The following DTNB variants were observed in gnomAD, a reference collection of about 807,000 sequenced individuals.
DTNB encodes DTN-B.
In DTNB, 63 loss-of-function variants were observed where a neutral mutation model predicts 90.7. The observed-to-expected ratio is 0.69, with a 90% CI of 0.57 to 0.86. The LOEUF (loss-of-function observed/expected upper bound fraction) is 0.86, where lower values mean the gene tolerates loss of function less well. Among genes scored for constraint, DTNB ranks in the 40% least tolerant of loss-of-function variants. The probability of loss-of-function intolerance (pLI) is 0.00; values close to 1 mark genes in which losing one functional copy is unlikely to be tolerated. For missense variants in DTNB, 744 were observed against 807.1 expected (o/e 0.92, Z 0.95); for synonymous variants, 277 against 286.7 (o/e 0.97, Z 0.34).
intron 10 of DTNB, among the ~76,000 whole-genome samples, chr2:25,458,437 T>C (rs2060398922): frequency 6.6e-6 from 1 of 151,160 alleles, no homozygotes; most frequent in Non-Finnish European, 1.5e-5. Flanking sequence ...GAGAGAGAAA[T>C]CAACAGTTGT....
At chr2:25,423,510 T>C (rs1264343716) in intron 15 of DTNB, among the ~76,000 whole-genome samples, 1 of 152,144 alleles carries the variant, frequency 6.6e-6, no homozygotes, top group Non-Finnish European at 1.5e-5. Context: ...GGCATGAAAA[T>C]TTACTGTGAG....
At chr2:25,410,941 T>C (rs1254680167) in intron 16 of DTNB, among the ~76,000 whole-genome samples, 2 of 151,894 alleles carry the variant, frequency 1.3e-5, no homozygotes, top group Non-Finnish European at 2.9e-5. Flanking sequence ...TTTCTTTTTT[T>C]TTTTTTTTTT....
intron 14 of DTNB, among the ~76,000 whole-genome samples, chr2:25,431,205 ATTTT>A (rs35256450): frequency 6.8e-6 from 1 of 147,778 alleles, no homozygotes; most frequent in African/African-American, 2.5e-5. Context: ...TTCTTCTAGA[ATTTT>A]TTTTTTTTTG....
chr2:25,634,052 C>A (rs529601665), intron 3 of DTNB, among the ~76,000 whole-genome samples: 1 of 152,170 alleles, frequency 6.6e-6, no homozygotes, highest in South Asian at 2.1e-4. Context: ...GCGTCTACGC[C>A]CGGCAGCCAG....
intron 8 of DTNB, among the ~76,000 whole-genome samples, chr2:25,547,234 T>C (rs750583533): frequency 7.5e-4 from 114 of 152,228 alleles, no homozygotes; most frequent in Non-Finnish European, 1.4e-3. Context: ...ATAAATTTAC[T>C]AATTTTTTAA....
At chr2:25,638,260 T>C (rs1373178856) in intron 3 of DTNB, among the ~76,000 whole-genome samples, 2 of 152,042 alleles carry the variant, frequency 1.3e-5, no homozygotes, top group East Asian at 3.9e-4. Context: ...CTAATGTAAA[T>C]GACGAGTTAA....
intron 9 of DTNB, among the ~76,000 whole-genome samples, chr2:25,526,140 C>T (rs893697543): frequency 1.3e-5 from 2 of 151,728 alleles, no homozygotes; most frequent in Non-Finnish European, 2.9e-5. Flanking sequence ...CTACTGGATT[C>T]TCCAACATAC....
chr2:25,443,873 T>C (rs1051841338), intron 12 of DTNB, among the ~76,000 whole-genome samples: 5 of 152,206 alleles, frequency 3.3e-5, no homozygotes, highest in African/African-American at 1.2e-4. Context: ...AGCCATTACA[T>C]GTGTGCGAAA....
chr2:25,432,449 C>T (rs779190209), intron 14 of DTNB, among the ~76,000 whole-genome samples: 7 of 152,266 alleles, frequency 4.6e-5, no homozygotes, highest in East Asian at 1.9e-4. Context: ...CTCAGAGATG[C>T]GCACAGGAAG....
chr2:25,568,639 T>C (rs1223698565), intron 8 of DTNB, among the ~76,000 whole-genome samples: 7 of 152,232 alleles, frequency 4.6e-5, no homozygotes, highest in Admixed American at 2.0e-4. Flanking sequence ...ATAATCACTA[T>C]GGTTAAATTA....
intron 6 of DTNB, 130 bp downstream of exon 6, chr2:25,595,956 C>G (rs759108786): frequency 1.4e-5 from 13 of 962,884 alleles, no homozygotes; most frequent in Admixed American, 9.9e-5. Flanking sequence ...CACTCCCCAC[C>G]ACCTTTAAAG....
At chr2:25,542,727 C>T (rs2081547459) in intron 8 of DTNB, among the ~76,000 whole-genome samples, 2 of 151,708 alleles carry the variant, frequency 1.3e-5, no homozygotes, top group Non-Finnish European at 2.9e-5. Flanking sequence ...TGTTCTATTC[C>T]ATCTTGAATC....
intron 15 of DTNB, among the ~76,000 whole-genome samples, chr2:25,423,585 C>T (rs940125539): frequency 1.3e-4 from 19 of 152,000 alleles, no homozygotes; most frequent in Non-Finnish European, 2.5e-4. Flanking sequence ...TAACTGCTTC[C>T]GACTATTTTA....
intron 4 of DTNB, among the ~76,000 whole-genome samples, chr2:25,615,639 T>TCAAA (rs1181788014): frequency 6.6e-6 from 1 of 152,106 alleles, no homozygotes; most frequent in Non-Finnish European, 1.5e-5. Context: ...CGGGCAGCGA[T>TCAAA]CAAACGTTAG....
intron 8 of DTNB, among the ~76,000 whole-genome samples, chr2:25,536,723 C>CGAGAGGGGAGATGGGAGACGG (rs2079896140): frequency 6.6e-6 from 1 of 151,926 alleles, no homozygotes; most frequent in African/African-American, 2.4e-5. Flanking sequence ...AGAGCGAGAG[C>CGAGAGGGGAGATGGGAGACGG]GAGAGGGGAG....
chr2:25,479,765 G>A (rs573513566), intron 10 of DTNB, among the ~76,000 whole-genome samples: 88 of 152,308 alleles, frequency 5.8e-4, no homozygotes, highest in Middle Eastern at 6.8e-3. Context: ...TATTAAAAAG[G>A]TAGGAACTAG....
chr2:25,572,292 C>G (rs922630466), intron 8 of DTNB, among the ~76,000 whole-genome samples: 11 of 152,090 alleles, frequency 7.2e-5, no homozygotes. Context: ...ACGGTGAAAC[C>G]CTGTCTCTAC....
intron 2 of DTNB, among the ~76,000 whole-genome samples, chr2:25,647,252 T>A (rs1267775866): frequency 6.6e-6 from 1 of 152,126 alleles, no homozygotes; most frequent in Non-Finnish European, 1.5e-5. Flanking sequence ...GGTACATGCA[T>A]CCAAGAATTA....
chr2:25,536,843 A>C (rs1336538494), intron 8 of DTNB, among the ~76,000 whole-genome samples: 2 of 152,162 alleles, frequency 1.3e-5, no homozygotes, highest in African/African-American at 2.4e-5. Context: ...CCCGGGTTCA[A>C]GCAATTCTCC....
Sources: gnomAD v4.1 joint callset for allele counts (sites outside exome capture counted in the v4.1 genomes callset) on GRCh38, gnomAD v4.1.1 for gene constraint, MANE v1.5 for transcripts, NCBI Gene and HGNC (gene_info 2026-07-23, HGNC 2026-07-21) for gene names.